The following PTPRD variants were observed in gnomAD, a reference collection of about 807,000 sequenced individuals.
PTPRD encodes receptor-type tyrosine-protein phosphatase delta.
PTPRD carries 34 observed loss-of-function variants against 214.5 expected under a neutral mutation model. That is an observed-to-expected ratio of 0.16 (90% CI 0.12 to 0.21). The LOEUF (loss-of-function observed/expected upper bound fraction) is 0.21. Among genes scored for constraint, PTPRD ranks in the 10% least tolerant of loss-of-function variants. The pLI, the probability that PTPRD is intolerant of heterozygous loss-of-function variation, is 1.00. For synonymous variants in PTPRD, 1,128 were observed against 845.7 expected (o/e 1.33, Z -5.79); for missense variants, 2,545 against 2,398.7 (o/e 1.06, Z -1.27).
chr9:9,465,565 G>C (rs992156097), intron 8 of PTPRD, among the ~76,000 whole-genome samples: 1 of 152,126 alleles, frequency 6.6e-6, no homozygotes, highest in Middle Eastern at 3.2e-3. Flanking sequence ...GAAAGACAAA[G>C]ACTTTTTCTG....
chr9:9,354,982 G>A (rs374472020), intron 9 of PTPRD, among the ~76,000 whole-genome samples: 1 of 151,774 alleles, frequency 6.6e-6, no homozygotes, highest in South Asian at 2.1e-4. Flanking sequence ...GAAAATAAAG[G>A]GAAAGGTACC....
chr9:9,757,010 C>T (rs907170018), intron 6 of PTPRD, among the ~76,000 whole-genome samples: 1 of 152,102 alleles, frequency 6.6e-6, no homozygotes, highest in Non-Finnish European at 1.5e-5. Context: ...TATAGAATCA[C>T]TGTTTTCTTC....
chr9:9,555,360 T>C (rs1322338909), intron 8 of PTPRD, among the ~76,000 whole-genome samples: 1 of 152,062 alleles, frequency 6.6e-6, no homozygotes, highest in East Asian at 1.9e-4. Flanking sequence ...TCACACATTA[T>C]TGACTGAGTT....
chr9:9,172,223 G>T (rs1014116045), intron 10 of PTPRD, among the ~76,000 whole-genome samples: 1 of 152,052 alleles, frequency 6.6e-6, no homozygotes, highest in African/African-American at 2.4e-5. Flanking sequence ...CACAAAATGA[G>T]TGCTGCATGA....
rs73428224 is a variant in PTPRD, at chr9:8,530,854, T to C, written c.353-2075A>G. On this transcript the variant is annotated intron_variant, in intron 14 of 45. Coordinates refer to ENST00000381196, the MANE Select transcript of PTPRD (RefSeq NM_002839.4). ...CAGATGCAGTTATTGTAAGATAAAA[T>C]TGATGGACTATTAAGGAAAAGCGTA... 2.8e-3 allele frequency among the ~76,000 whole-genome samples: 425 copies of C among 152,060 alleles called. 1 individual carries two copies. The highest frequency in any genetic ancestry group is 0.016 in the East Asian group (83 of 5,144).
rs538674558 is a variant in PTPRD at position 10,138,699 on chromosome 9, C to T, written c.-544-104909G>A. The stretch of plus-strand genomic sequence containing the variant: ...CCAGCAGCACATCAAAAAGTTAGTT[C>T]ACAATGACCAAATAGGCTTTCTTCC... On this transcript the variant is annotated intron_variant, in intron 3 of 45. Coordinates refer to ENST00000381196, the MANE Select transcript of PTPRD (RefSeq NM_002839.4). Among the ~76,000 whole-genome samples, 34 of 152,226 alleles carry T rather than the reference C, an allele frequency of 2.2e-4. No individual in the cohort carries two copies. In the East Asian group the frequency reaches 6.6e-3, roughly 29 times the overall value.
intron 10 of PTPRD, among the ~76,000 whole-genome samples, chr9:9,112,594 C>G (rs982192849): frequency 1.3e-5 from 2 of 152,160 alleles, no homozygotes; most frequent in African/African-American, 4.8e-5. Context: ...TGGCTTTACT[C>G]TCTTGACTGA....
intron 11 of PTPRD, among the ~76,000 whole-genome samples, chr9:8,923,221 T>A (rs1159746323): frequency 6.6e-6 from 1 of 151,890 alleles, no homozygotes; most frequent in East Asian, 1.9e-4. Flanking sequence ...TTTGTATTTT[T>A]AGTAGAGACA....
intron 2 of PTPRD, among the ~76,000 whole-genome samples, chr9:10,526,224 G>C (rs1416322762): frequency 6.6e-6 from 1 of 152,076 alleles, no homozygotes; most frequent in Non-Finnish European, 1.5e-5. Context: ...TTCAGATGAA[G>C]TTCTGTTGAG....
intron 14 of PTPRD, among the ~76,000 whole-genome samples, chr9:8,591,598 T>C (rs1334911559): frequency 1.3e-5 from 2 of 152,176 alleles, no homozygotes; most frequent in Non-Finnish European, 2.9e-5. Context: ...GGTGGACATT[T>C]TCCAAGTGAT....
At chr9:10,508,958 A>G (rs936287122) in intron 2 of PTPRD, among the ~76,000 whole-genome samples, 4 of 152,082 alleles carry the variant, frequency 2.6e-5, no homozygotes, top group Non-Finnish European at 5.9e-5. Context: ...AAATAAAATA[A>G]TAGTAAAAAT....
intron 14 of PTPRD, among the ~76,000 whole-genome samples, chr9:8,616,068 G>C (rs1046261856): frequency 1.3e-5 from 2 of 152,206 alleles, no homozygotes; most frequent in South Asian, 4.1e-4. Context: ...ATTTTATAAA[G>C]GAGAGTTAGC....
At chr9:9,844,724 A>C (rs2059090793) in intron 5 of PTPRD, among the ~76,000 whole-genome samples, 1 of 151,942 alleles carries the variant, frequency 6.6e-6, no homozygotes, top group Admixed American at 6.6e-5. Flanking sequence ...AATCTCATTA[A>C]CTAGAATTTG....
At chr9:10,370,834 G>A (rs1254693721) in intron 2 of PTPRD, among the ~76,000 whole-genome samples, 1 of 151,896 alleles carries the variant, frequency 6.6e-6, no homozygotes, top group African/African-American at 2.4e-5. Context: ...TCTCTCCTGA[G>A]ATCACAGATG....
chr9:8,331,270 A>AATG (rs149284295), intron 44 of PTPRD, among the ~76,000 whole-genome samples: 1 of 152,304 alleles, frequency 6.6e-6, no homozygotes, highest in African/African-American at 2.4e-5. Flanking sequence ...GCAAATATGA[A>AATG]ATGATTAACA....
At chr9:8,687,195 T>C (rs2097698237) in intron 12 of PTPRD, among the ~76,000 whole-genome samples, 1 of 152,100 alleles carries the variant, frequency 6.6e-6, no homozygotes, top group South Asian at 2.1e-4. Flanking sequence ...TTTAAGAGAA[T>C]CTCTGGAATA....
rs1588355660 is a variant in PTPRD at position 8,934,444 on chromosome 9, TA to T, written c.-104+84252del. On this transcript the variant is annotated intron_variant, in intron 11 of 45. Coordinates refer to ENST00000381196, the MANE Select transcript of PTPRD (RefSeq NM_002839.4). ...GTGTATATATATATATAAATATATA[TA>T]TAAATTTATATATATATAAATATAT... Among the ~76,000 whole-genome samples, 3 of 39,372 alleles carry T rather than the reference TA, an allele frequency of 7.6e-5. No homozygotes were observed. In the East Asian group the frequency reaches 1.6e-3, roughly 20 times the overall value. The allele number at this position is 39,372 out of a possible 152,430, so 25.8% of individuals were successfully genotyped here.
intron 4 of PTPRD, among the ~76,000 whole-genome samples, chr9:9,938,838 T>C (rs534222757): frequency 6.6e-6 from 1 of 152,236 alleles, no homozygotes; most frequent in South Asian, 2.1e-4. Context: ...AAATCTTCCT[T>C]ATAAAAGGTT....
intron 11 of PTPRD, among the ~76,000 whole-genome samples, chr9:8,808,502 A>G (rs2096734313): frequency 7.0e-6 from 1 of 143,516 alleles, no homozygotes. Context: ...CATGGAGAAA[A>G]CCAGAAAGAA....
Sources: allele counts gnomAD v4.1 joint callset (sites outside exome capture counted in the v4.1 genomes callset), GRCh38; gene constraint gnomAD v4.1.1; transcripts MANE v1.5; gene names NCBI Gene and HGNC (gene_info 2026-07-23, HGNC 2026-07-21).